Variants in CIMIP2C observed in about 807,000 individuals in gnomAD.
CIMIP2C encodes ciliary microtubule inner protein 2C, also known as UPF0573 protein C2orf70.
chr2:26,572,800 C>A, the CIMIP2C span, among the ~76,000 whole-genome samples: 3 of 152,162 alleles, frequency 2.0e-5, no homozygotes, highest in Non-Finnish European at 4.4e-5. Flanking sequence ...TCCTTGCTTC[C>A]GAGGAGGAGA....
chr2:26,573,667 C>G, the CIMIP2C span, among the ~76,000 whole-genome samples: 2 of 152,230 alleles, frequency 1.3e-5, no homozygotes, highest in African/African-American at 4.8e-5. Context: ...CCGCGGGGAA[C>G]TCAGGGGGCC....
At chr2:26,568,443 A>G in the CIMIP2C span, among the ~76,000 whole-genome samples, 25 of 152,342 alleles carry the variant, frequency 1.6e-4, no homozygotes, top group South Asian at 4.8e-3. Context: ...TTCATAGGTA[A>G]CTGGTGCCTC....
At chr2:26,579,260 C>A in the CIMIP2C span, 1 of 1,605,030 alleles carries the variant, frequency 6.2e-7, no homozygotes, top group South Asian at 1.1e-5. Flanking sequence ...TTCCCTGGCA[C>A]ACTGCATAAC....
the CIMIP2C span, among the ~76,000 whole-genome samples, chr2:26,571,609 C>G: frequency 5.1e-4 from 77 of 152,290 alleles, no homozygotes; most frequent in African/African-American, 1.2e-3. Flanking sequence ...CCATCTGACT[C>G]TGTTTTTAAA....
At chr2:26,573,710 G>C in the CIMIP2C span, among the ~76,000 whole-genome samples, 5,408 of 152,334 alleles carry the variant, frequency 0.036, 285 homozygotes, top group East Asian at 0.16. Flanking sequence ...GTGGAGAAGA[G>C]TCAGGACCGC....
the CIMIP2C span, chr2:26,562,885 C>G: frequency 1.7e-6 from 1 of 576,506 alleles, no homozygotes; most frequent in Non-Finnish European, 3.1e-6. Context: ...GGGGCCTCCC[C>G]AGATTCCCCT....
the CIMIP2C span, among the ~76,000 whole-genome samples, chr2:26,563,988 A>G: frequency 2.0e-5 from 3 of 152,214 alleles, no homozygotes; most frequent in African/African-American, 7.2e-5. Flanking sequence ...CAGGTGACTT[A>G]GGATTTGCCC....
At chr2:26,576,246 G>A in the CIMIP2C span, 3 of 1,517,632 alleles carry the variant, frequency 2.0e-6, no homozygotes, top group Non-Finnish European at 1.8e-6. Flanking sequence ...AGGGAGTGAT[G>A]GCCAGGGGCC....
chr2:26,579,340 C>T, the CIMIP2C span: 29 of 1,614,024 alleles, frequency 1.8e-5, no homozygotes, highest in Admixed American at 4.8e-4. Flanking sequence ...AAGACTAGCC[C>T]CCGAGAACCT....
At chr2:26,578,816 C>T in the CIMIP2C span, 130 of 471,290 alleles carry the variant, frequency 2.8e-4, no homozygotes, top group Non-Finnish European at 1.5e-4. Flanking sequence ...AGTTTCACAA[C>T]GAACGCAAAG....
chr2:26,574,080 G>A, the CIMIP2C span, among the ~76,000 whole-genome samples: 4 of 152,242 alleles, frequency 2.6e-5, no homozygotes, highest in Admixed American at 6.5e-5. Context: ...CGAGGCCCAA[G>A]GCACAGGGAA....
the CIMIP2C span, chr2:26,579,218 G>A: frequency 3.2e-6 from 5 of 1,562,918 alleles, no homozygotes; most frequent in East Asian, 2.3e-5. Flanking sequence ...AAGTGGGCAC[G>A]TGGGGCTGTG....
At chr2:26,576,104 C>A in the CIMIP2C span, 1 of 1,614,196 alleles carries the variant, frequency 6.2e-7, no homozygotes, top group Non-Finnish European at 8.5e-7. Context: ...GGACCGCTGG[C>A]TGCACAAGCC....
the CIMIP2C span, among the ~76,000 whole-genome samples, chr2:26,575,611 C>T: frequency 1.3e-5 from 2 of 152,190 alleles, no homozygotes; most frequent in Non-Finnish European, 2.9e-5. Context: ...GGTCAGTGCA[C>T]CTGGGGAAGC....
the CIMIP2C span, chr2:26,576,049 C>T: frequency 6.2e-7 from 1 of 1,614,240 alleles, no homozygotes; most frequent in Non-Finnish European, 8.5e-7. Flanking sequence ...CCACCATCTT[C>T]TCCACCAACC....
the CIMIP2C span, chr2:26,579,264 G>A: frequency 1.2e-6 from 2 of 1,609,648 alleles, no homozygotes; most frequent in African/African-American, 1.3e-5. Flanking sequence ...CTGGCACACT[G>A]CATAACACCA....
At chr2:26,576,410 C>T in the CIMIP2C span, among the ~76,000 whole-genome samples, 9 of 152,220 alleles carry the variant, frequency 5.9e-5, no homozygotes, top group Admixed American at 2.6e-4. Context: ...TCAGGACCCC[C>T]AACTCCTGCT....
At chr2:26,579,087 T>A in the CIMIP2C span, 1 of 595,608 alleles carries the variant, frequency 1.7e-6, no homozygotes, top group Admixed American at 2.7e-5. Context: ...CTGTCTGACA[T>A]CTGTGTCCTC....
chr2:26,578,507 G>A, the CIMIP2C span: 2 of 256,960 alleles, frequency 7.8e-6, no homozygotes, highest in Non-Finnish European at 7.8e-6. Context: ...AAAAGGGAAC[G>A]TGAGGCTCAT....
Sources: gnomAD v4.1 joint callset for allele counts (sites outside exome capture counted in the v4.1 genomes callset) on GRCh38, gnomAD v4.1.1 for gene constraint, MANE v1.5 for transcripts, NCBI Gene and HGNC (gene_info 2026-07-23, HGNC 2026-07-21) for gene names.